The following CPEB1 variants were observed in gnomAD, a reference collection of about 807,000 sequenced individuals.
The protein encoded by CPEB1 is cytoplasmic polyadenylation element-binding protein 1.
CPEB1 carries 7 observed loss-of-function variants against 65.8 expected under a neutral mutation model. The ratio of observed to expected loss-of-function variants is 0.11; its 90% CI spans 0.06 to 0.20. The LOEUF (loss-of-function observed/expected upper bound fraction) is 0.20. Ranked by LOEUF, CPEB1 falls within the 10% of genes least tolerant of loss-of-function variation. The pLI, the probability that CPEB1 is intolerant of heterozygous loss-of-function variation, is 1.00. For synonymous variants in CPEB1, 262 were observed against 260.0 expected, an observed-to-expected ratio of 1.01 and a Z score of -0.08; for missense variants, 551 against 712.2, an observed-to-expected ratio of 0.77 and a Z score of 2.58.
intron 3 of CPEB1, among the ~76,000 whole-genome samples, chr15:82,579,602 CAT>C (rs568277835): frequency 6.4e-4 from 97 of 152,218 alleles, no homozygotes; most frequent in African/African-American, 2.1e-3. Flanking sequence ...AGAAGGATGA[CAT>C]GTGATCAACA....
intron 3 of CPEB1, among the ~76,000 whole-genome samples, chr15:82,580,437 A>G (rs1183732456): frequency 6.6e-6 from 1 of 152,226 alleles, no homozygotes; most frequent in African/African-American, 2.4e-5. Flanking sequence ...TACTATTGTA[A>G]ATCTACAGTT....
At chr15:82,567,704 G>A (rs2039381151) in intron 4 of CPEB1, among the ~76,000 whole-genome samples, 1 of 152,130 alleles carries the variant, frequency 6.6e-6, no homozygotes, top group African/African-American at 2.4e-5. Context: ...TTCTAAAGGG[G>A]AGTGGCAAAA....
upstream of CPEB1, chr15:82,647,563 C>CGAGGCCGCCTG (rs1567247698): frequency 6.5e-6 from 2 of 308,212 alleles, no homozygotes; most frequent in Non-Finnish European, 1.2e-5. Flanking sequence ...GACAGACGCT[C>CGAGGCCGCCTG]GAGGCCGCCT....
chr15:82,616,618 C>T lies in CPEB1; in HGVS notation c.271+10575G>A, dbSNP rs566955949. Among the ~76,000 whole-genome samples the T allele has an allele frequency of 1.1e-4, 17 of 150,372 alleles. No individual in the cohort carries two copies. The East Asian group carries it at 3.3e-3, about 29-fold the overall frequency. On this transcript the variant is annotated intron_variant, in intron 3 of 12. Transcript: ENST00000684509. ...AGTGCAGTGGCATGATCTCAGCTCACTGCAGCCTCCACCTCCCGGGTTCAA... is the reference window on the plus strand; with the variant it reads ...AGTGCAGTGGCATGATCTCAGCTCATTGCAGCCTCCACCTCCCGGGTTCAA...
rs113278318 is a variant in CPEB1, at chr15:82,629,338, C to A, written c.-97-782G>T. 1.7e-4 allele frequency: 170 copies of A among 984,904 alleles called. No individual in the cohort carries two copies. In the African/African-American group the frequency reaches 2.8e-3, roughly 16 times the overall value. 61.0% of individuals were successfully genotyped at this position (984,904 alleles called of 1,614,324 possible). A position where few individuals can be genotyped will look rare whatever the true frequency, so the allele number is the denominator to read the frequency against. On this transcript the variant is annotated intron_variant, in intron 1 of 12. Transcript: ENST00000684509. ...AGGTAAGTACCAACAGTGGTAAAAC[C>A]ACCCAAACTGATTAAGTTATACAAC...
intron 1 of CPEB1, among the ~76,000 whole-genome samples, chr15:82,642,343 G>C (rs1010440824): frequency 6.6e-6 from 1 of 152,132 alleles, no homozygotes; most frequent in Admixed American, 6.5e-5. Context: ...GGCTTGAGCC[G>C]AGGATAAGCC....
chr15:82,640,443 A>G (rs1163094147), intron 1 of CPEB1, among the ~76,000 whole-genome samples: 1 of 152,156 alleles, frequency 6.6e-6, no homozygotes, highest in African/African-American at 2.4e-5. Flanking sequence ...TTCTAGCAAT[A>G]CTGTACTTCT....
chr15:82,545,172 G>A (rs1329611623), intron 12 of CPEB1, among the ~76,000 whole-genome samples: 1 of 152,196 alleles, frequency 6.6e-6, no homozygotes, highest in Admixed American at 6.5e-5. Flanking sequence ...TGGTTGCTGT[G>A]TAACGTCAGG....
chr15:82,607,643 T>C lies in CPEB1; in HGVS notation c.271+19550A>G, dbSNP rs548856061. On this transcript the variant is annotated intron_variant, in intron 3 of 12. Transcript: ENST00000684509. ...AATAGGTTGAAAGGATGGAAAAAAG[T>C]ATACCCTGCAAATAATAACCAAATG... Among the ~76,000 whole-genome samples, 9 of 152,088 alleles carry C rather than the reference T, an allele frequency of 5.9e-5. 1 individual carries two copies. The South Asian group carries it at 1.5e-3, about 25-fold the overall frequency.
At chr15:82,632,533 A>G (rs181324964) in intron 1 of CPEB1, among the ~76,000 whole-genome samples, 1 of 152,064 alleles carries the variant, frequency 6.6e-6, no homozygotes, top group East Asian at 1.9e-4. Flanking sequence ...ACATTTTTTA[A>G]GAGATGGGGT....
intron 1 of CPEB1, among the ~76,000 whole-genome samples, chr15:82,646,270 G>C (rs587718818): frequency 6.6e-6 from 1 of 152,318 alleles, no homozygotes; most frequent in East Asian, 1.9e-4. Flanking sequence ...GAGGCGGGCG[G>C]TGCACCTGTG....
chr15:82,603,454 C>T (rs1030764872), intron 3 of CPEB1, among the ~76,000 whole-genome samples: 3 of 150,782 alleles, frequency 2.0e-5, no homozygotes, highest in African/African-American at 7.3e-5. Flanking sequence ...ACCAAAAAAG[C>T]TTAAAAGGCT....
At chr15:82,557,635 C>G (rs2037458088) in intron 5 of CPEB1, 125 bp downstream of exon 5, 2 of 760,922 alleles carry the variant, frequency 2.6e-6, no homozygotes, top group South Asian at 3.4e-5. Context: ...CCACTCCTCC[C>G]CTCATCCCAT....
At chr15:82,648,100 C>T (rs975556011), upstream of CPEB1, 3 of 370,594 alleles carry the variant, frequency 8.1e-6, no homozygotes, top group African/African-American at 4.2e-5. Context: ...CCCGCCCCTC[C>T]TAGCAGGCCG....
chr15:82,610,979 A>G (rs1430860028), intron 3 of CPEB1, among the ~76,000 whole-genome samples: 9 of 148,854 alleles, frequency 6.0e-5, no homozygotes, highest in African/African-American at 1.7e-4. Flanking sequence ...AAAAAAAAAA[A>G]AAAAAAAAAG....
intron 6 of CPEB1, 121 bp downstream of exon 6, chr15:82,555,749 G>T: frequency 9.9e-7 from 1 of 1,013,352 alleles, no homozygotes; most frequent in Non-Finnish European, 1.4e-6. Flanking sequence ...TTGCAGATCT[G>T]GAGACTTCAC....
intron 3 of CPEB1, among the ~76,000 whole-genome samples, chr15:82,585,057 C>G (rs1283911544): frequency 2.6e-5 from 4 of 151,644 alleles, no homozygotes; most frequent in Non-Finnish European, 5.9e-5. Flanking sequence ...ATCAGGAGTT[C>G]AATGACAAAA....
chr15:82,628,911 T>G (rs1449525822), intron 1 of CPEB1: 3 of 160,370 alleles, frequency 1.9e-5, no homozygotes, highest in African/African-American at 4.8e-5. Flanking sequence ...ATACAAAACA[T>G]GTGATCAACT....
Position 82,548,974 on chromosome 15 carries a change from ACTT to A in CPEB1, c.1480+483_1480+485del, listed in dbSNP as rs2035776562. ...CAAAACCTAGTGGTTAGGCCCACAG[ACTT>A]CTGAGTTAGGAAAGCACAGGCCACA... On this transcript the variant is annotated intron_variant, in intron 10 of 12. Coordinates refer to ENST00000684509, the MANE Select transcript of CPEB1 (RefSeq NM_001365242.1). 1.3e-5 allele frequency among the ~76,000 whole-genome samples: 2 copies of A among 152,242 alleles called. 1 individual carries two copies. Among genetic ancestry groups the A allele is most frequent in the South Asian group, 4.1e-4 (2 of 4,834 alleles).
Sources: gnomAD v4.1 joint callset for allele counts (sites outside exome capture counted in the v4.1 genomes callset) on GRCh38, gnomAD v4.1.1 for gene constraint, MANE v1.5 for transcripts, NCBI Gene and HGNC (gene_info 2026-07-23, HGNC 2026-07-21) for gene names.